The following GALNT17 variants were observed in gnomAD, a reference collection of about 807,000 sequenced individuals.
GALNT17 encodes the protein polypeptide N-acetylgalactosaminyltransferase 17, also known as UDP-GalNAc:polypeptide N-acetylgalactosaminyltransferase-like 3.
GALNT17 carries 29 observed loss-of-function variants against 63.7 expected under a neutral mutation model. The observed-to-expected ratio is 0.46, with a 90% CI of 0.34 to 0.62. The LOEUF is 0.62. Ranked by LOEUF, GALNT17 falls within the 20% of genes least tolerant of loss-of-function variation. The pLI is 0.01. For missense variants in GALNT17, 603 were observed against 799.6 expected, an observed-to-expected ratio of 0.75 and a Z score of 2.97; for synonymous variants, 305 against 318.3, an observed-to-expected ratio of 0.96 and a Z score of 0.45.
chr7:71,677,810 C>CG (rs1791176800), intron 9 of GALNT17, among the ~76,000 whole-genome samples: 1 of 152,128 alleles, frequency 6.6e-6, no homozygotes, highest in African/African-American at 2.4e-5. Context: ...CCACCGTGCC[C>CG]GGCCAAGGCT....
At chr7:71,617,447 G>A (rs957686610) in intron 6 of GALNT17, among the ~76,000 whole-genome samples, 3 of 151,126 alleles carry the variant, frequency 2.0e-5, no homozygotes, top group African/African-American at 2.4e-5. Context: ...TCAGCCTCCC[G>A]AGTAGCTGGG....
chr7:71,501,802 C>T (rs556690374), intron 5 of GALNT17, among the ~76,000 whole-genome samples: 15 of 152,278 alleles, frequency 9.9e-5, no homozygotes, highest in African/African-American at 3.6e-4. Flanking sequence ...CTTCCTTCTC[C>T]CTCTTTCTCA....
intron 1 of GALNT17, among the ~76,000 whole-genome samples, chr7:71,201,684 G>A (rs75749283): frequency 0.049 from 7,436 of 150,346 alleles, 575 homozygotes; most frequent in African/African-American, 0.17. Flanking sequence ...AGGCTGGAGT[G>A]CAAATGGCAT....
rs976153778 is a variant in GALNT17, at chr7:71,677,064, G to C, written c.1405-147G>C. Reference sequence around the variant, plus strand: ...GATCTTTCTTGTTAAGGTGATCACCGCAAAGATTTGAGCCCTGGTCCTCAC... The same window carrying C: ...GATCTTTCTTGTTAAGGTGATCACCCCAAAGATTTGAGCCCTGGTCCTCAC... On this transcript the variant is annotated intron_variant, in intron 8 of 10. Coordinates refer to ENST00000333538, the MANE Select transcript of GALNT17 (RefSeq NM_022479.3). 1.0e-5 allele frequency: 8 copies of C among 776,480 alleles called. No homozygotes were observed. In the Admixed American group the frequency reaches 1.1e-4, roughly 11 times the overall value. The allele number at this position is 776,480 out of a possible 1,614,324, so 48.1% of individuals were successfully genotyped here. A position where few individuals can be genotyped will look rare whatever the true frequency, so the allele number is the denominator to read the frequency against.
chr7:71,494,299 C>T (rs1362980044), intron 5 of GALNT17, among the ~76,000 whole-genome samples: 1 of 152,160 alleles, frequency 6.6e-6, no homozygotes, highest in African/African-American at 2.4e-5. Flanking sequence ...CCTCCATCAA[C>T]ACGTGGGGAT....
chr7:71,132,820 A>G lies in GALNT17; in HGVS notation c.18A>G (p.Arg6=). The change falls in exon 1 of 11, where the codon AGA becomes AGG. Residue 6 remains arginine (R), a synonymous_variant. Transcript: ENST00000333538. MASLR[R]VKVLLVLNLI... is the part of the protein sequence containing the mutation. The stretch of plus-strand genomic sequence containing the variant: ...GCTGTTTGATGGCTTCACTGAGAAG[A>G]GTCAAAGTGCTGTTGGTGTTGAACT... 6.2e-7 allele frequency: 1 copy of G among 1,607,744 alleles called. No individual in the cohort carries two copies. The highest frequency in any genetic ancestry group is 1.7e-5 in the Admixed American group (1 of 59,540).
At chr7:71,169,113 C>A (rs1053785250) in intron 1 of GALNT17, among the ~76,000 whole-genome samples, 7 of 152,160 alleles carry the variant, frequency 4.6e-5, no homozygotes, top group African/African-American at 1.4e-4. Context: ...TGAATGGGAA[C>A]CACTACAGAT....
chr7:71,591,324 G>A (rs1259666536), intron 6 of GALNT17, among the ~76,000 whole-genome samples: 1 of 152,176 alleles, frequency 6.6e-6, no homozygotes, highest in Non-Finnish European at 1.5e-5. Context: ...CCAGAGTGCT[G>A]GGATTACAGG....
intron 1 of GALNT17, among the ~76,000 whole-genome samples, chr7:71,310,361 A>G (rs993427573): frequency 5.3e-5 from 8 of 152,216 alleles, no homozygotes; most frequent in African/African-American, 1.9e-4. Flanking sequence ...GTTCAATGGC[A>G]TCGTCTTTGT....
At chr7:71,657,576 C>A (rs866267254) in intron 6 of GALNT17, among the ~76,000 whole-genome samples, 6 of 152,122 alleles carry the variant, frequency 3.9e-5, no homozygotes, top group African/African-American at 1.4e-4. Flanking sequence ...GTGGCTCTTC[C>A]GGGGTCCCTG....
At chr7:71,555,156 G>A (rs1294479782) in intron 5 of GALNT17, among the ~76,000 whole-genome samples, 1 of 152,104 alleles carries the variant, frequency 6.6e-6, no homozygotes, top group East Asian at 1.9e-4. Flanking sequence ...AACCATTCAT[G>A]AGGGGTCTGC....
In GALNT17 at chr7:71,677,283, C is replaced by G. The variant is rs1358171981; in HGVS notation, c.1477C>G (p.Pro493Ala). 6.2e-7 allele frequency: 1 copy of G among 1,613,884 alleles called. No individual in the cohort carries two copies. The highest frequency in any genetic ancestry group is 8.5e-7 in the Non-Finnish European group (1 of 1,179,920). Residue 493 changes from proline (P) to alanine (A), a missense_variant, in exon 9 of 11, where the codon CCG becomes GCG. Transcript: ENST00000333538. Reference protein sequence around the residue: ...PLENHTAILYPCHGWGPQLAR... With the variant: ...PLENHTAILYACHGWGPQLAR... ...GGAGAACCACACAGCAATATTGTAT[C>G]CGTGCCATGGCTGGGGACCACAGGT...
chr7:71,448,993 G>A (rs1655649569), intron 5 of GALNT17, among the ~76,000 whole-genome samples: 1 of 151,834 alleles, frequency 6.6e-6, no homozygotes, highest in Admixed American at 6.6e-5. Flanking sequence ...TGGTTTAAAC[G>A]GATGGATTCC....
intron 1 of GALNT17, among the ~76,000 whole-genome samples, chr7:71,271,184 A>G (rs1790582169): frequency 6.6e-6 from 1 of 152,214 alleles, no homozygotes; most frequent in South Asian, 2.1e-4. Flanking sequence ...TGCTTTCAAT[A>G]CTTCCTGCTT....
At chr7:71,540,601 G>A (rs1046894846) in intron 5 of GALNT17, among the ~76,000 whole-genome samples, 8 of 151,844 alleles carry the variant, frequency 5.3e-5, no homozygotes, top group African/African-American at 1.7e-4. Context: ...GGACACTAGG[G>A]TTTTGTGTTG....
chr7:71,640,808 TTAA>T (rs1362834349), intron 6 of GALNT17, among the ~76,000 whole-genome samples: 3 of 151,848 alleles, frequency 2.0e-5, no homozygotes, highest in African/African-American at 7.3e-5. Context: ...CCCCAGGAGT[TTAA>T]GACCAGCCTG....
intron 6 of GALNT17, among the ~76,000 whole-genome samples, chr7:71,653,936 T>C (rs1790790200): frequency 6.6e-6 from 1 of 152,224 alleles, no homozygotes; most frequent in African/African-American, 2.4e-5. Context: ...TCTGAGAGTC[T>C]ACCTGCCAGC....
intron 9 of GALNT17, among the ~76,000 whole-genome samples, chr7:71,698,576 A>C (rs769928240): frequency 6.6e-6 from 1 of 152,038 alleles, no homozygotes; most frequent in Non-Finnish European, 1.5e-5. Flanking sequence ...AAGAGTAAAC[A>C]ATAAAATAAT....
In GALNT17 at chr7:71,374,140, G is replaced by A. The variant is rs564465911; in HGVS notation, c.423-14095G>A. On this transcript the variant is annotated intron_variant, in intron 2 of 10. Transcript: ENST00000333538. ...GTGAAATATAAAGGAGTAAACAGAA[G>A]CAATAAAAAATTCCTCCACTCACAC... 7.2e-5 allele frequency among the ~76,000 whole-genome samples: 11 copies of A among 152,274 alleles called. No homozygotes were observed. In the East Asian group the frequency reaches 1.2e-3, roughly 16 times the overall value.
Sources: gnomAD v4.1 joint callset for allele counts (sites outside exome capture counted in the v4.1 genomes callset) on GRCh38, gnomAD v4.1.1 for gene constraint, MANE v1.5 for transcripts, NCBI Gene and HGNC (gene_info 2026-07-23, HGNC 2026-07-21) for gene names.